Variants in WDR33 observed in about 807,000 individuals in gnomAD.
WDR33 encodes WD repeat domain 33.
A neutral mutation model predicts 164.9 loss-of-function variants in WDR33; 47 were observed. The observed-to-expected ratio is 0.29, with a 90% CI of 0.23 to 0.36. WDR33 has a LOEUF of 0.36. Among genes scored for constraint, WDR33 ranks in the 10% least tolerant of loss-of-function variants. The pLI, the probability that WDR33 is intolerant of heterozygous loss-of-function variation, is 1.00. For synonymous variants in WDR33, 505 were observed against 589.0 expected, an observed-to-expected ratio of 0.86 and a Z score of 2.06; for missense variants, 1,137 against 1,754.1, an observed-to-expected ratio of 0.65 and a Z score of 6.28.
At chr2:127,774,698 C>T (rs531623982) in intron 1 of WDR33, among the ~76,000 whole-genome samples, 118 of 152,078 alleles carry the variant, frequency 7.8e-4, no homozygotes, top group African/African-American at 2.6e-3. Context: ...GGCGTGGTGG[C>T]GGGCGCCTGT....
In WDR33 at chr2:127,722,906, G is replaced by A. The variant is rs138493420; in HGVS notation, c.1378+52C>T. ...CAATATATTTATCAGGAACATAAAC[G>A]GGTCAAGAAAAAATTTGTAAAAATT... On this transcript the variant is annotated intron_variant, in intron 13 of 21. Transcript: ENST00000322313. The surrounding 1 kb of genome is among the most constrained non-coding windows in gnomAD (Gnocchi z 5.1). The A allele has an allele frequency of 2.6e-5, 40 of 1,519,240 alleles. No individual in the cohort carries two copies. The highest frequency in any genetic ancestry group is 3.6e-4 in the Middle Eastern group (2 of 5,486). The allele number at this position is 1,519,240 out of a possible 1,614,324, so 94.1% of individuals were successfully genotyped here.
intron 1 of WDR33, among the ~76,000 whole-genome samples, chr2:127,771,583 G>C (rs1260920166): frequency 2.0e-5 from 3 of 152,070 alleles, no homozygotes; most frequent in Non-Finnish European, 4.4e-5. Context: ...TTAAGATCAG[G>C]CTGGGGAACA....
At chr2:127,768,398 AC>A in intron 3 of WDR33, 105 bp from the exon 4 acceptor site, 2 of 587,918 alleles carry the variant, frequency 3.4e-6, no homozygotes, top group South Asian at 3.3e-5. Flanking sequence ...CAAATTTGGG[AC>A]CATATAGAAC....
At chr2:127,728,408 A>G (rs1686621045) in intron 7 of WDR33, among the ~76,000 whole-genome samples, 1 of 152,218 alleles carries the variant, frequency 6.6e-6, no homozygotes, top group Non-Finnish European at 1.5e-5. Context: ...AAAAAAGCCA[A>G]GAAGTCTAGA....
intron 7 of WDR33, among the ~76,000 whole-genome samples, chr2:127,750,709 T>C (rs1293221559): frequency 1.8e-4 from 10 of 55,838 alleles, no homozygotes; most frequent in African/African-American, 7.1e-4. Context: ...TATATATATA[T>C]ATATGTATGT....
chr2:127,748,617 A>G (rs2105411435), intron 7 of WDR33, among the ~76,000 whole-genome samples: 1 of 152,324 alleles, frequency 6.6e-6, no homozygotes, highest in Non-Finnish European at 1.5e-5. Context: ...GAGTTAATCA[A>G]GGATCATTTC....
chr2:127,766,264 C>T (rs541566594), intron 4 of WDR33, among the ~76,000 whole-genome samples: 4 of 152,160 alleles, frequency 2.6e-5, no homozygotes, highest in African/African-American at 2.4e-5. Flanking sequence ...CCAAAAACTC[C>T]GACAAAGTTG....
rs1306919267 is a variant in WDR33 at position 127,712,617 on chromosome 2, A to C, written c.3308+966T>G. ...ACCTATCTCACAAATTCTTTAAATA[A>C]AATGAGTTAATTTCCTAAATTAAAA... On this transcript the variant is annotated intron_variant, in intron 18 of 21. Coordinates refer to ENST00000322313, the MANE Select transcript of WDR33 (RefSeq NM_018383.5). The surrounding 1 kb of genome is among the most constrained non-coding windows in gnomAD (Gnocchi z 4.0). Among the ~76,000 whole-genome samples the C allele has an allele frequency of 1.3e-5, 2 of 152,356 alleles. No homozygotes were observed. The highest frequency in any genetic ancestry group is 3.4e-3 in the Middle Eastern group (1 of 294).
chr2:127,806,955 C>T (rs1689460490), intron 1 of WDR33, among the ~76,000 whole-genome samples: 1 of 152,136 alleles, frequency 6.6e-6, no homozygotes, highest in Non-Finnish European at 1.5e-5. Context: ...CGAATCCAAA[C>T]AGAAGGCATA....
intron 1 of WDR33, among the ~76,000 whole-genome samples, chr2:127,809,768 G>C (rs1314770478): frequency 6.6e-6 from 1 of 152,050 alleles, no homozygotes; most frequent in Non-Finnish European, 1.5e-5. Flanking sequence ...TTCTTCCTAG[G>C]AGTACAGGAA....
rs1414558475 is a variant in WDR33 at position 127,711,776 on chromosome 2, ATATATT to A, written c.3308+1801_3308+1806del. On this transcript the variant is annotated intron_variant, in intron 18 of 21. Transcript: ENST00000322313. ...GATATATATATATATATATATATAT[ATATATT>A]TTTTTTTTGAGACAGAGTCTCGCCC... Among the ~76,000 whole-genome samples, 7 of 94,082 alleles carry A rather than the reference ATATATT, an allele frequency of 7.4e-5. 1 individual carries two copies. In the South Asian group the frequency reaches 2.4e-3, roughly 33 times the overall value. The allele number at this position is 94,082 out of a possible 152,430, so 61.7% of individuals were successfully genotyped here. A position where few individuals can be genotyped will look rare whatever the true frequency, so the allele number is the denominator to read the frequency against.
rs1172241430 is a variant in WDR33, at chr2:127,701,757, C to T, written c.*4566G>A. On this transcript the variant is annotated 3_prime_UTR_variant, in exon 22 of 22. Coordinates refer to ENST00000322313, the MANE Select transcript of WDR33 (RefSeq NM_018383.5). ...CCCGAGCGTGACGCGCGGGCAGCGGCTGGCGGCGGGCGGCGGGTGCCTGCT... is the reference window on the plus strand; with the variant it reads ...CCCGAGCGTGACGCGCGGGCAGCGGTTGGCGGCGGGCGGCGGGTGCCTGCT... The T allele has an allele frequency of 7.0e-7, 1 of 1,422,234 alleles. No individual in the cohort carries two copies. Among genetic ancestry groups the T allele is most frequent in the Non-Finnish European group, 9.2e-7 (1 of 1,087,706 alleles). The allele number at this position is 1,422,234 out of a possible 1,614,324, so 88.1% of individuals were successfully genotyped here. A position where few individuals can be genotyped will look rare whatever the true frequency, so the allele number is the denominator to read the frequency against.
At chr2:127,777,850 G>A (rs1206596728) in intron 1 of WDR33, among the ~76,000 whole-genome samples, 1 of 152,058 alleles carries the variant, frequency 6.6e-6, no homozygotes, top group African/African-American at 2.4e-5. Flanking sequence ...GAGCTCAAGC[G>A]ATCCTCCCAC....
Position 127,717,327 on chromosome 2 carries a change from G to A in WDR33, c.2761-64C>T. On this transcript the variant is annotated intron_variant, in intron 16 of 21. Coordinates refer to ENST00000322313, the MANE Select transcript of WDR33 (RefSeq NM_018383.5). The surrounding 1 kb of genome is among the most constrained non-coding windows in gnomAD (Gnocchi z 5.6). ...GGCTTGAGCTACATAAATAGTGATT[G>A]CATTATAACATGACAAGATAAAAAT... 2 of 1,310,014 alleles carry A rather than the reference G, an allele frequency of 1.5e-6. No individual in the cohort carries two copies. Among genetic ancestry groups the A allele is most frequent in the South Asian group, 1.4e-5 (1 of 69,442 alleles). 81.1% of individuals were successfully genotyped at this position (1,310,014 alleles called of 1,614,324 possible).
In WDR33 at chr2:127,716,220, T is replaced by A. The variant is rs577247197; in HGVS notation, c.2869+935A>T. ...TCACACATAAATTCAAGACTGAGCATAAATTCACAAAGTCCTAGGGCTGTA... is the reference window on the plus strand; with the variant it reads ...TCACACATAAATTCAAGACTGAGCAAAAATTCACAAAGTCCTAGGGCTGTA... On this transcript the variant is annotated intron_variant, in intron 17 of 21. Transcript: ENST00000322313. This position sits in a 1 kb window ranked among gnomAD's most constrained non-coding sequence, Gnocchi z 4.5. 4.6e-5 allele frequency among the ~76,000 whole-genome samples: 7 copies of A among 152,324 alleles called. No individual in the cohort carries two copies. The highest frequency in any genetic ancestry group is 4.6e-4 in the Admixed American group (7 of 15,302).
At chr2:127,789,650 A>G (rs1366651440) in intron 1 of WDR33, among the ~76,000 whole-genome samples, 1 of 151,322 alleles carries the variant, frequency 6.6e-6, no homozygotes, top group East Asian at 2.0e-4. Context: ...AGTACAGTCC[A>G]GCTTCGGCTC....
chr2:127,787,812 C>T (rs1310163506), intron 1 of WDR33, among the ~76,000 whole-genome samples: 1 of 68,256 alleles, frequency 1.5e-5, no homozygotes, highest in East Asian at 5.8e-4. Flanking sequence ...CCTCACCTCC[C>T]GGACGGGGCG....
Position 127,726,817 on chromosome 2 carries a change from A to C in WDR33, c.725-40T>G. On this transcript the variant is annotated intron_variant, in intron 7 of 21. Coordinates refer to ENST00000322313, the MANE Select transcript of WDR33 (RefSeq NM_018383.5). This position sits in a 1 kb window ranked among gnomAD's most constrained non-coding sequence, Gnocchi z 4.8. ...TTAGGATTAAAACCTAATTAGTTACATGCATTTAAAGCAATTTAAACCAAA... is the reference window on the plus strand; with the variant it reads ...TTAGGATTAAAACCTAATTAGTTACCTGCATTTAAAGCAATTTAAACCAAA... 1 of 1,610,620 alleles carries C rather than the reference A, an allele frequency of 6.2e-7. No individual in the cohort carries two copies. The highest frequency in any genetic ancestry group is 8.5e-7 in the Non-Finnish European group (1 of 1,178,378).
At position 127,718,148 on chromosome 2, in the gene WDR33, G is replaced by A. The variant is rs946786096; in HGVS notation, c.2761-885C>T. Among the ~76,000 whole-genome samples, 2 of 152,200 alleles carry A rather than the reference G, an allele frequency of 1.3e-5. No homozygotes were observed. Among genetic ancestry groups the A allele is most frequent in the Non-Finnish European group, 2.9e-5 (2 of 68,042 alleles). On this transcript the variant is annotated intron_variant, in intron 16 of 21. Transcript: ENST00000322313. The surrounding 1 kb of genome is among the most constrained non-coding windows in gnomAD (Gnocchi z 4.4). ...ACTACGACACTTTTAGGTTCTGGAAGACCTACTTTAGAATAGTAGATAATT... is the reference window on the plus strand; with the variant it reads ...ACTACGACACTTTTAGGTTCTGGAAAACCTACTTTAGAATAGTAGATAATT...
Sources: allele counts gnomAD v4.1 joint callset (sites outside exome capture counted in the v4.1 genomes callset), GRCh38; gene constraint gnomAD v4.1.1; non-coding constraint Gnocchi (gnomAD v3.1); transcripts MANE v1.5; gene names NCBI Gene and HGNC (gene_info 2026-07-23, HGNC 2026-07-21).